The following HYDIN variants were observed in gnomAD, a reference collection of about 807,000 sequenced individuals.
HYDIN encodes HYDIN axonemal central pair apparatus protein.
A neutral mutation model predicts 403.9 loss-of-function variants in HYDIN; 132 were observed. That is an observed-to-expected ratio of 0.33 (90% CI 0.28 to 0.38). The LOEUF is 0.38. Ranked by LOEUF, HYDIN falls within the 10% of genes least tolerant of loss-of-function variation. The pLI is 1.00. For synonymous variants in HYDIN, 1,202 were observed against 1,891.7 expected (o/e 0.64, Z 9.46); for missense variants, 2,827 against 5,009.5 (o/e 0.56, Z 13.15).
At chr16:71,027,449 A>C in intron 20 of HYDIN, 153 bp downstream of exon 20, 1 of 1,518,316 alleles carries the variant, frequency 6.6e-7, no homozygotes, top group Non-Finnish European at 8.8e-7. Context: ...CCCCGAAAGC[A>C]ACGGATGCTA....
intron 9 of HYDIN, among the ~76,000 whole-genome samples, 200 bp downstream of exon 9, chr16:71,129,440 T>C (rs1311459347): frequency 1.3e-5 from 2 of 152,182 alleles, no homozygotes; most frequent in Non-Finnish European, 2.9e-5. Flanking sequence ...TGCATGGAAA[T>C]TGTGACCTAT....
At chr16:70,950,282 ACT>A (rs953632568) in intron 41 of HYDIN, among the ~76,000 whole-genome samples, 3 of 150,682 alleles carry the variant, frequency 2.0e-5, no homozygotes, top group Non-Finnish European at 4.4e-5. Flanking sequence ...ATGGAGTCTT[ACT>A]CTGTTGCCTA....
chr16:71,061,932 T>C (rs900076208), intron 17 of HYDIN, among the ~76,000 whole-genome samples: 2 of 151,580 alleles, frequency 1.3e-5, no homozygotes, highest in African/African-American at 4.9e-5. Flanking sequence ...CCTGGTATCC[T>C]GTTAGGTTTA....
At chr16:71,110,329 A>T (rs1225225281) in intron 10 of HYDIN, among the ~76,000 whole-genome samples, 21 of 140,610 alleles carry the variant, frequency 1.5e-4, no homozygotes, top group Non-Finnish European at 3.0e-4. Flanking sequence ...TTATATCTAA[A>T]TAAGTTATAT....
At chr16:70,916,414 T>G (rs2076842043) in intron 47 of HYDIN, among the ~76,000 whole-genome samples, 1 of 152,158 alleles carries the variant, frequency 6.6e-6, no homozygotes, top group Admixed American at 6.5e-5. Flanking sequence ...AGACCTTCAG[T>G]TTCCCCAGTT....
At chr16:71,197,964 C>T (rs969848016) in intron 1 of HYDIN, among the ~76,000 whole-genome samples, 2 of 152,158 alleles carry the variant, frequency 1.3e-5, no homozygotes, top group Non-Finnish European at 1.5e-5. Context: ...GCCAGCTGGT[C>T]TCAAACTCCT....
chr16:70,885,706 A>G (rs2041087703), intron 58 of HYDIN, among the ~76,000 whole-genome samples: 1 of 152,228 alleles, frequency 6.6e-6, no homozygotes, highest in South Asian at 2.1e-4. Context: ...AGGCTGTTTC[A>G]CTGAAGGCTG....
rs549261620 is a variant in HYDIN at position 70,845,945 on chromosome 16, A to T, written c.12873+3781T>A. On this transcript the variant is annotated intron_variant, in intron 75 of 85. Transcript: ENST00000393567. The stretch of plus-strand genomic sequence containing the variant: ...ATTCTTCTTTCTTTTTTTCTTTATT[A>T]GTCTTGCTAGCGGTCTATCAGTTTT... Among the ~76,000 whole-genome samples, 36 of 150,330 alleles carry T rather than the reference A, an allele frequency of 2.4e-4. 1 individual carries two copies. The East Asian group carries it at 6.1e-3, about 25-fold the overall frequency.
chr16:70,879,867 G>A, intron 60 of HYDIN, 111 bp from the exon 61 acceptor site: 1 of 511,498 alleles, frequency 2.0e-6, no homozygotes. Context: ...TGGTGGACAT[G>A]CTCCACTGCC....
At chr16:70,951,137 G>T (rs1015705782) in intron 41 of HYDIN, among the ~76,000 whole-genome samples, 4 of 152,046 alleles carry the variant, frequency 2.6e-5, no homozygotes, top group Admixed American at 2.6e-4. Flanking sequence ...TGGGAGGCTG[G>T]GGTGGAAGGA....
intron 1 of HYDIN, among the ~76,000 whole-genome samples, chr16:71,187,871 G>C (rs527431397): frequency 6.6e-6 from 1 of 152,282 alleles, no homozygotes; most frequent in Non-Finnish European, 1.5e-5. Flanking sequence ...GGCAATCAAT[G>C]AAACAGAAGA....
At position 71,015,508 on chromosome 16, in the gene HYDIN, G is replaced by A. The variant is rs539271098; in HGVS notation, c.3644+2621C>T. 3.7e-3 allele frequency among the ~76,000 whole-genome samples: 437 copies of A among 119,266 alleles called. 2 individuals are homozygous for A. The highest frequency in any genetic ancestry group is 0.018 in the Middle Eastern group (4 of 220). 78.2% of individuals were successfully genotyped at this position (119,266 alleles called of 152,430 possible). ...TCTGGCATTTGAAGTGCATTAGGTC[G>A]GGTTGGCTGATTTTTCCATAATTAT... On this transcript the variant is annotated intron_variant, in intron 23 of 85. Coordinates refer to ENST00000393567, the MANE Select transcript of HYDIN (RefSeq NM_001270974.2).
rs764530658 is a variant in HYDIN at position 70,985,170 on chromosome 16, C to T, written c.4332+15G>A. 8.7e-6 allele frequency: 14 copies of T among 1,611,292 alleles called. No homozygotes were observed. Among genetic ancestry groups the T allele is most frequent in the Non-Finnish European group, 1.1e-5 (13 of 1,178,412 alleles). ...TCGTAGGTTTGAATTCGGGCCCCTC[C>T]CACCATTTACTTACAGACACAGGCA... On this transcript the variant is annotated intron_variant, in intron 28 of 85. Coordinates refer to ENST00000393567, the MANE Select transcript of HYDIN (RefSeq NM_001270974.2).
chr16:71,187,162 T>C (rs956296891), intron 1 of HYDIN, among the ~76,000 whole-genome samples: 6 of 152,156 alleles, frequency 3.9e-5, no homozygotes, highest in Admixed American at 2.6e-4. Flanking sequence ...CAGGAAGACA[T>C]GGAAGTACAA....
chr16:70,811,190 G>A (rs2035474144), intron 84 of HYDIN: 2 of 152,172 alleles, frequency 1.3e-5, no homozygotes, highest in Admixed American at 1.3e-4. Context: ...GGGTGAGTGA[G>A]GCAGGAAGAT....
chr16:71,072,583 G>A (rs1398469145), intron 13 of HYDIN, among the ~76,000 whole-genome samples: 1 of 149,920 alleles, frequency 6.7e-6, no homozygotes, highest in Non-Finnish European at 1.5e-5. Context: ...CATAAAAATA[G>A]TATTACTGAT....
In HYDIN at chr16:70,872,157, T is replaced by C. The variant is rs760085133; in HGVS notation, c.10971A>G (p.Gln3657=). ...LVAAALVDHI[Q]FGDCHIGHSY... is the part of the protein sequence containing the mutation. Reference sequence around the variant, plus strand: ...TGTGTCCAATGTGGCAGTCCCCAAATTGGATGTGGTCCACCAGAGCAGCTA... The same window carrying C: ...TGTGTCCAATGTGGCAGTCCCCAAACTGGATGTGGTCCACCAGAGCAGCTA... The change falls in exon 65 of 86, where the codon CAA becomes CAG. Residue 3657 remains glutamine (Q), a synonymous_variant. Transcript: ENST00000393567. The C allele has an allele frequency of 4.7e-6, 7 of 1,502,046 alleles. No individual in the cohort carries two copies. The highest frequency in any genetic ancestry group is 1.5e-5 in the African/African-American group (1 of 68,612). The allele number at this position is 1,502,046 out of a possible 1,614,324, so 93.0% of individuals were successfully genotyped here.
At chr16:71,175,834 A>T in intron 4 of HYDIN, 93 bp from the exon 5 acceptor site, 1 of 1,313,234 alleles carries the variant, frequency 7.6e-7, no homozygotes. Flanking sequence ...TAGACGTGTG[A>T]CCTTGGTCAG....
At chr16:71,173,206 T>C (rs983027889) in intron 5 of HYDIN, among the ~76,000 whole-genome samples, 1 of 152,242 alleles carries the variant, frequency 6.6e-6, no homozygotes, top group African/African-American at 2.4e-5. Flanking sequence ...TAGGTAAACA[T>C]TATCCTCACT....
Sources: allele counts gnomAD v4.1 joint callset (sites outside exome capture counted in the v4.1 genomes callset), GRCh38; gene constraint gnomAD v4.1.1; transcripts MANE v1.5; gene names NCBI Gene and HGNC (gene_info 2026-07-23, HGNC 2026-07-21).